The following AGBL4 variants were observed in gnomAD, a reference collection of about 807,000 sequenced individuals.
AGBL4 encodes the protein cytosolic carboxypeptidase 6.
In AGBL4, 58 loss-of-function variants were observed where a neutral mutation model predicts 66.4. The ratio of observed to expected loss-of-function variants is 0.87; its 90% CI spans 0.71 to 1.09. The LOEUF (loss-of-function observed/expected upper bound fraction) is 1.09, where lower values mean the gene tolerates loss of function less well. Among genes scored for constraint, AGBL4 ranks in the 50% least tolerant of loss-of-function variants. The probability of loss-of-function intolerance (pLI) is 0.00; values close to 1 mark genes in which losing one functional copy is unlikely to be tolerated. For missense variants in AGBL4, 579 were observed against 631.0 expected (o/e 0.92, Z 0.88); for synonymous variants, 234 against 222.9 (o/e 1.05, Z -0.44).
chr1:49,801,786 T>C (rs1374521512), intron 2 of AGBL4, among the ~76,000 whole-genome samples: 1 of 152,202 alleles, frequency 6.6e-6, no homozygotes, highest in Non-Finnish European at 1.5e-5. Context: ...AGGCAATTTC[T>C]TAAAAAGCAT....
chr1:48,749,423 A>G (rs560756029), intron 6 of AGBL4, among the ~76,000 whole-genome samples: 1 of 152,298 alleles, frequency 6.6e-6, no homozygotes, highest in African/African-American at 2.4e-5. Context: ...TGGTGGTCCT[A>G]CAAAATCGAT....
At chr1:49,518,089 C>G (rs1570934094) in intron 3 of AGBL4, among the ~76,000 whole-genome samples, 1 of 152,156 alleles carries the variant, frequency 6.6e-6, no homozygotes, top group East Asian at 1.9e-4. Flanking sequence ...TCAAGAGATT[C>G]ACAGTTTGTA....
At chr1:48,644,510 C>A (rs143718370) in intron 8 of AGBL4, among the ~76,000 whole-genome samples, 2 of 151,988 alleles carry the variant, frequency 1.3e-5, no homozygotes, top group Non-Finnish European at 2.9e-5. Context: ...ACAAAGTATG[C>A]GCTTGGGGAT....
At chr1:49,991,822 A>G (rs1659964688) in intron 1 of AGBL4, among the ~76,000 whole-genome samples, 2 of 152,118 alleles carry the variant, frequency 1.3e-5, no homozygotes, top group African/African-American at 4.8e-5. Context: ...AACCAACATT[A>G]AAGGGCTTTG....
At chr1:48,566,541 C>T (rs540819788) in intron 11 of AGBL4, among the ~76,000 whole-genome samples, 2 of 152,324 alleles carry the variant, frequency 1.3e-5, no homozygotes, top group East Asian at 3.9e-4. Context: ...GTTAACTGTA[C>T]GTGTCAATTT....
intron 1 of AGBL4, among the ~76,000 whole-genome samples, chr1:49,886,342 T>C (rs958617909): frequency 1.3e-5 from 2 of 152,064 alleles, no homozygotes; most frequent in African/African-American, 4.8e-5. Context: ...CTCAAATATG[T>C]GTGAAAATGA....
At chr1:49,340,117 C>T (rs951987587) in intron 3 of AGBL4, among the ~76,000 whole-genome samples, 36 of 151,496 alleles carry the variant, frequency 2.4e-4, no homozygotes, top group Admixed American at 2.3e-3. Flanking sequence ...TTCCCTTCCA[C>T]AGCGATCTGC....
chr1:48,937,480 A>G (rs991011381), intron 5 of AGBL4, among the ~76,000 whole-genome samples: 2 of 152,158 alleles, frequency 1.3e-5, no homozygotes, highest in African/African-American at 4.8e-5. Context: ...AAAATAAGGT[A>G]TATACAGACC....
intron 5 of AGBL4, among the ~76,000 whole-genome samples, chr1:48,943,034 C>T (rs1156383771): frequency 1.3e-5 from 2 of 152,150 alleles, no homozygotes; most frequent in Non-Finnish European, 2.9e-5. Flanking sequence ...GTTATTTCCT[C>T]TGATTATGCA....
intron 11 of AGBL4, among the ~76,000 whole-genome samples, chr1:48,540,451 T>C (rs1644047827): frequency 6.6e-6 from 1 of 152,176 alleles, no homozygotes; most frequent in Non-Finnish European, 1.5e-5. Context: ...ATACATGTTA[T>C]TTCCTCTGCT....
intron 7 of AGBL4, among the ~76,000 whole-genome samples, chr1:48,660,725 C>T (rs1292300438): frequency 1.3e-5 from 2 of 152,182 alleles, no homozygotes; most frequent in Admixed American, 1.3e-4. Context: ...GAGATGGACT[C>T]CAGAACCACA....
At chr1:49,688,626 A>T (rs1459294015) in intron 3 of AGBL4, among the ~76,000 whole-genome samples, 2 of 152,136 alleles carry the variant, frequency 1.3e-5, no homozygotes, top group Admixed American at 6.5e-5. Context: ...TGGTAGCTCT[A>T]CAGATTTTTG....
chr1:49,282,476 CA>C (rs1289826202), intron 3 of AGBL4, among the ~76,000 whole-genome samples: 1 of 152,144 alleles, frequency 6.6e-6, no homozygotes, highest in Admixed American at 6.5e-5. Context: ...GCTCTTAAAA[CA>C]ATGGAGAACT....
chr1:48,742,550 C>A, intron 6 of AGBL4: 1 of 1,346,918 alleles, frequency 7.4e-7, no homozygotes, highest in Admixed American at 2.8e-5. Context: ...TTGGAAAGCT[C>A]CCACCATACT....
chr1:48,759,771 C>T lies in AGBL4; in HGVS notation c.635-96530G>A, dbSNP rs142391930. ...AAATTCCTCCCCTAAAGGCAATTCA[C>T]CATGTAAACTTTTCATCGACAATGC... On this transcript the variant is annotated intron_variant, in intron 6 of 13. Transcript: ENST00000371839. Among the ~76,000 whole-genome samples, 108 of 152,332 alleles carry T rather than the reference C, an allele frequency of 7.1e-4. 1 individual carries two copies. The East Asian group carries it at 0.02, about 28-fold the overall frequency.
In AGBL4 at chr1:49,751,440, C is replaced by T. The variant is rs1388409960; in HGVS notation, c.158-54003G>A. Among the ~76,000 whole-genome samples, 6 of 152,146 alleles carry T rather than the reference C, an allele frequency of 3.9e-5. No individual in the cohort carries two copies. The East Asian group carries it at 5.8e-4, about 15-fold the overall frequency. On this transcript the variant is annotated intron_variant, in intron 2 of 13. Transcript: ENST00000371839. The stretch of plus-strand genomic sequence containing the variant: ...ATCCCAGGGATGAAGCCGACTTGAT[C>T]GTGGTGGATAAGCTTTTTAATGTGC...
chr1:49,886,408 A>T (rs1648044204), intron 1 of AGBL4, among the ~76,000 whole-genome samples: 1 of 152,104 alleles, frequency 6.6e-6, no homozygotes, highest in Non-Finnish European at 1.5e-5. Flanking sequence ...CTGGAGAGAG[A>T]AAAAGTAGCT....
intron 1 of AGBL4, among the ~76,000 whole-genome samples, chr1:49,915,216 G>C (rs1013382703): frequency 6.6e-6 from 1 of 152,138 alleles, no homozygotes; most frequent in Non-Finnish European, 1.5e-5. Context: ...TCATCTCACT[G>C]GGGCATGTTG....
In AGBL4 at chr1:49,230,065, G is replaced by A. The variant is rs558981967; in HGVS notation, c.377+15705C>T. On this transcript the variant is annotated intron_variant, in intron 4 of 13. Transcript: ENST00000371839. ...CCAGGTAGAGCCTGTCTTCACACCT[G>A]GGTCTGTCTTCATATCTATTTCAGT... Among the ~76,000 whole-genome samples, 8 of 152,296 alleles carry A rather than the reference G, an allele frequency of 5.3e-5. No individual in the cohort carries two copies. The East Asian group carries it at 1.4e-3, about 26-fold the overall frequency.
Sources: allele counts gnomAD v4.1 joint callset (sites outside exome capture counted in the v4.1 genomes callset), GRCh38; gene constraint gnomAD v4.1.1; transcripts MANE v1.5; gene names NCBI Gene and HGNC (gene_info 2026-07-23, HGNC 2026-07-21).